MYO18B: variants seen among roughly 807,000 people sequenced by gnomAD.
MYO18B encodes the protein myosin XVIIIB.
In MYO18B, 204 loss-of-function variants were observed where a neutral mutation model predicts 273.0. The observed-to-expected ratio is 0.75, with a 90% CI of 0.67 to 0.84. The LOEUF is 0.84. Ranked by LOEUF, MYO18B falls within the 40% of genes least tolerant of loss-of-function variation. The probability of loss-of-function intolerance (pLI) is 0.00; values close to 1 mark genes in which losing one functional copy is unlikely to be tolerated. For missense variants in MYO18B, 3,212 were observed against 3,287.6 expected (o/e 0.98, Z 0.56); for synonymous variants, 1,330 against 1,305.7 (o/e 1.02, Z -0.40).
At chr22:25,743,760 A>G (rs2085696205) in intron 1 of MYO18B, among the ~76,000 whole-genome samples, 1 of 151,382 alleles carries the variant, frequency 6.6e-6, no homozygotes, top group South Asian at 2.1e-4. Context: ...TTGGATGAGT[A>G]CTCTCCCCAG....
intron 25 of MYO18B, among the ~76,000 whole-genome samples, chr22:25,881,519 A>T (rs916768644): frequency 6.6e-6 from 1 of 152,216 alleles, no homozygotes; most frequent in African/African-American, 2.4e-5. Context: ...AATATCAGGG[A>T]CTTCCCTGTA....
At position 25,755,206 on chromosome 22, in the gene MYO18B, T is replaced by A. The variant is rs548714354; in HGVS notation, c.-109-5778T>A. ...TTCTTGTGTCTTTTTAAATTAAATTTTATTTTATTTTTTTTTTGAGACAGA... is the reference window on the plus strand; with the variant it reads ...TTCTTGTGTCTTTTTAAATTAAATTATATTTTATTTTTTTTTTGAGACAGA... On this transcript the variant is annotated intron_variant, in intron 1 of 43. Transcript: ENST00000335473. Among the ~76,000 whole-genome samples, 297 of 152,014 alleles carry A rather than the reference T, an allele frequency of 2.0e-3. 1 individual carries two copies. The highest frequency in any genetic ancestry group is 3.1e-3 in the Non-Finnish European group (210 of 68,008).
At position 25,851,550 on chromosome 22, in the gene MYO18B, T is replaced by G. The variant is rs1049547692; in HGVS notation, c.3856T>G (p.Ser1286Ala). ...CGCTCCACTCCTGAAGAAGCTCATG[T>G]CGACCTCCGAGGGAATAGATGAAAG... ...LDAPLLKKLM[S>A]TSEGIDERKA... Residue 1286 changes from serine to alanine, a missense_variant, in exon 21 of 44, where the codon TCG becomes GCG. Coordinates refer to ENST00000335473, the MANE Select transcript of MYO18B (RefSeq NM_032608.7). 9 of 1,559,154 alleles carry G rather than the reference T, an allele frequency of 5.8e-6. No individual in the cohort carries two copies. Among genetic ancestry groups the G allele is most frequent in the Non-Finnish European group, 7.8e-6 (9 of 1,151,254 alleles).
intron 12 of MYO18B, among the ~76,000 whole-genome samples, chr22:25,813,197 T>C (rs2088842392): frequency 6.7e-6 from 1 of 148,602 alleles, no homozygotes; most frequent in South Asian, 2.1e-4. Flanking sequence ...TTTTTTTTTT[T>C]TTTTGAGACG....
In MYO18B at chr22:26,003,293, A is replaced by C. The variant is rs1186809613; in HGVS notation, c.6316A>C (p.Ser2106Arg). 2 of 1,608,354 alleles carry C rather than the reference A, an allele frequency of 1.2e-6. No individual in the cohort carries two copies. Among genetic ancestry groups the C allele is most frequent in the South Asian group, 2.2e-5 (2 of 89,648 alleles). The change falls in exon 41 of 44, where the codon AGC (serine) becomes CGC (arginine). Residue 2106 changes from serine to arginine, a missense_variant. By Grantham distance (110) the Ser-to-Arg change is moderately radical. Transcript: ENST00000335473. ...CCAGACGGCAGTGGATTGTGGCAGC[A>C]GCGGCCGAAAAGAGATGTAAGTTAA... ...SVQTAVDCGS[S>R]GRKEMDNVSI...
At chr22:25,997,907 AAATTCAAAG>A in intron 40 of MYO18B, among the ~76,000 whole-genome samples, 1 of 150,416 alleles carries the variant, frequency 6.6e-6, no homozygotes, top group East Asian at 1.9e-4. Flanking sequence ...CAATTATAAT[AAATTCAAAG>A]CCAACCCAGG....
At chr22:25,828,195 TA>T (rs1269344467) in intron 14 of MYO18B, among the ~76,000 whole-genome samples, 1 of 151,954 alleles carries the variant, frequency 6.6e-6, no homozygotes, top group African/African-American at 2.4e-5. Flanking sequence ...AGACGGTGGC[TA>T]AGACGGTGGA....
chr22:25,751,149 G>A (rs1467353901), intron 1 of MYO18B, among the ~76,000 whole-genome samples: 4 of 152,194 alleles, frequency 2.6e-5, no homozygotes, highest in South Asian at 2.1e-4. Flanking sequence ...ATTGAGTAAT[G>A]CAGAAATCCT....
At chr22:25,829,522 T>TA (rs55957728) in intron 15 of MYO18B, among the ~76,000 whole-genome samples, 8,472 of 139,298 alleles carry the variant, frequency 0.061, 325 homozygotes, top group East Asian at 0.11. Context: ...TCTTTTTTCA[T>TA]AAAAAAAAAA....
chr22:25,805,618 A>G (rs2088436210), intron 12 of MYO18B, among the ~76,000 whole-genome samples: 1 of 151,834 alleles, frequency 6.6e-6, no homozygotes, highest in African/African-American at 2.4e-5. Context: ...GCCAGCAGGA[A>G]CTCCCAAGTT....
intron 33 of MYO18B, among the ~76,000 whole-genome samples, chr22:25,912,554 A>G (rs1185074437): frequency 6.6e-6 from 1 of 152,256 alleles, no homozygotes; most frequent in African/African-American, 2.4e-5. Flanking sequence ...ATAAATTAGC[A>G]CTTTTGATGA....
intron 39 of MYO18B, among the ~76,000 whole-genome samples, chr22:25,960,502 T>C (rs1012259658): frequency 1.3e-5 from 2 of 152,226 alleles, no homozygotes; most frequent in African/African-American, 4.8e-5. Flanking sequence ...GACTTTCCCC[T>C]GATCCAGGTG....
In MYO18B at chr22:25,921,430, T is replaced by C. The variant is rs1014040909; in HGVS notation, c.5517+21T>C. ...GCCAGGTGGGTGTCACGGGATCCCC[T>C]TGAGAATCAGGCTGGGGAGGATGCT... On this transcript the variant is annotated intron_variant, in intron 34 of 43. Transcript: ENST00000335473. The C allele has an allele frequency of 1.3e-5, 20 of 1,594,138 alleles. No individual in the cohort carries two copies. The Admixed American group carries it at 1.4e-4, about 11-fold the overall frequency.
At chr22:25,983,809 A>G (rs1361116948) in intron 39 of MYO18B, among the ~76,000 whole-genome samples, 3 of 152,206 alleles carry the variant, frequency 2.0e-5, no homozygotes, top group Admixed American at 1.3e-4. Context: ...CATGAAGCCC[A>G]TTTCCTCTGG....
Position 25,970,076 on chromosome 22 carries a change from C to T in MYO18B, c.6156+14712C>T, listed in dbSNP as rs532039696. On this transcript the variant is annotated intron_variant, in intron 39 of 43. Transcript: ENST00000335473. ...CCACAACCATTACCATCATTATCTT[C>T]ATCACTGTCATCATCACCACCATTT... Among the ~76,000 whole-genome samples, 3 of 152,240 alleles carry T rather than the reference C, an allele frequency of 2.0e-5. No individual in the cohort carries two copies. The South Asian group carries it at 6.2e-4, about 32-fold the overall frequency.
rs200490409 is a variant in MYO18B, at chr22:26,026,806, C to A, written c.6832C>A (p.Leu2278Ile). ...GCTGGGCCTAGAGGACTGGCCCACTCTCCCCATTTACCAGACGACTGGGGC... is the reference window on the plus strand; with the variant it reads ...GCTGGGCCTAGAGGACTGGCCCACTATCCCCATTTACCAGACGACTGGGGC... ...STLGLEDWPT[L>I]PIYQTTGAST... Residue 2278 changes from leucine to isoleucine, a missense_variant, in exon 43 of 44, where the codon CTC becomes ATC. Coordinates refer to ENST00000335473, the MANE Select transcript of MYO18B (RefSeq NM_032608.7). 2.1e-4 allele frequency: 334 copies of A among 1,597,758 alleles called. No homozygotes were observed. Among genetic ancestry groups the A allele is most frequent in the Non-Finnish European group, 2.8e-4 (324 of 1,172,490 alleles).
intron 34 of MYO18B, among the ~76,000 whole-genome samples, chr22:25,930,820 C>T (rs575467061): frequency 1.2e-4 from 18 of 152,188 alleles, no homozygotes; most frequent in East Asian, 5.8e-4. Flanking sequence ...GGGTCAGCTC[C>T]GGTGTTTACT....
intron 20 of MYO18B, among the ~76,000 whole-genome samples, chr22:25,848,332 G>A (rs559903449): frequency 1.3e-5 from 2 of 152,272 alleles, no homozygotes; most frequent in East Asian, 3.9e-4. Flanking sequence ...TGGGAGTTTG[G>A]GGAAAGCTCA....
intron 15 of MYO18B, among the ~76,000 whole-genome samples, chr22:25,831,291 A>G (rs191841455): frequency 1.2e-4 from 18 of 152,342 alleles, no homozygotes; most frequent in African/African-American, 4.3e-4. Context: ...TCCTATAGAC[A>G]TCAGGGTAGT....
Sources: gnomAD v4.1 joint callset for allele counts (sites outside exome capture counted in the v4.1 genomes callset) on GRCh38, gnomAD v4.1.1 for gene constraint, MANE v1.5 for transcripts, NCBI Gene and HGNC (gene_info 2026-07-23, HGNC 2026-07-21) for gene names.